RAB3C: variants seen among roughly 807,000 people sequenced by gnomAD.
The protein encoded by RAB3C is ras-related protein Rab-3C.
RAB3C carries 17 observed loss-of-function variants against 26.4 expected under a neutral mutation model. The ratio of observed to expected loss-of-function variants is 0.64; its 90% CI spans 0.44 to 0.97. The LOEUF (loss-of-function observed/expected upper bound fraction) is 0.97. Among genes scored for constraint, RAB3C ranks in the 50% least tolerant of loss-of-function variants. The probability of loss-of-function intolerance (pLI) is 0.00; values close to 1 mark genes in which losing one functional copy is unlikely to be tolerated. For synonymous variants in RAB3C, 91 were observed against 95.9 expected, an observed-to-expected ratio of 0.95 and a Z score of 0.30; for missense variants, 242 against 281.9, an observed-to-expected ratio of 0.86 and a Z score of 1.01.
chr5:58,607,649 A>C (rs1746601984), intron 1 of RAB3C, among the ~76,000 whole-genome samples: 1 of 152,226 alleles, frequency 6.6e-6, no homozygotes, highest in African/African-American at 2.4e-5. Context: ...AAAAGTGTTA[A>C]GGGCAGCCAG....
chr5:58,808,114 A>T (rs1003698965), intron 3 of RAB3C, among the ~76,000 whole-genome samples: 4 of 150,168 alleles, frequency 2.7e-5, no homozygotes, highest in Non-Finnish European at 5.9e-5. Context: ...AGTCCCAGTT[A>T]CTCGAGAGGC....
intron 1 of RAB3C, among the ~76,000 whole-genome samples, chr5:58,596,456 C>T (rs768243642): frequency 2.1e-4 from 30 of 143,144 alleles, no homozygotes; most frequent in East Asian, 9.9e-4. Flanking sequence ...GGATGGTGAT[C>T]GCCACATATG....
chr5:58,786,201 A>G (rs1742376229), intron 3 of RAB3C, among the ~76,000 whole-genome samples: 1 of 152,232 alleles, frequency 6.6e-6, no homozygotes, highest in South Asian at 2.1e-4. Context: ...CAGTAAACAC[A>G]GTTTCATTGT....
At chr5:58,664,971 G>A (rs1365382550) in intron 2 of RAB3C, among the ~76,000 whole-genome samples, 1 of 151,886 alleles carries the variant, frequency 6.6e-6, no homozygotes, top group South Asian at 2.1e-4. Flanking sequence ...GATGCCTCCA[G>A]CCTCTGAAAT....
At chr5:58,796,291 A>G (rs78123361) in intron 3 of RAB3C, among the ~76,000 whole-genome samples, 7,046 of 152,278 alleles carry the variant, frequency 0.046, 228 homozygotes, top group African/African-American at 0.082. Flanking sequence ...CACGGTATGT[A>G]GAAACACTAT....
At chr5:58,672,016 T>A (rs1332359260) in intron 2 of RAB3C, among the ~76,000 whole-genome samples, 2 of 152,194 alleles carry the variant, frequency 1.3e-5, no homozygotes, top group Non-Finnish European at 2.9e-5. Flanking sequence ...CTTTTCAGCT[T>A]GGCATATTAT....
chr5:58,625,806 G>A (rs1398682645), intron 2 of RAB3C, among the ~76,000 whole-genome samples: 3 of 149,982 alleles, frequency 2.0e-5, no homozygotes, highest in East Asian at 3.9e-4. Context: ...GCAGTGAGCC[G>A]AGATCACGCC....
intron 3 of RAB3C, among the ~76,000 whole-genome samples, chr5:58,805,482 G>T (rs1273133235): frequency 6.6e-6 from 1 of 151,434 alleles, no homozygotes; most frequent in African/African-American, 2.4e-5. Context: ...CTACACAGGG[G>T]GCTGAAGCAT....
At chr5:58,712,894 G>T (rs1023582250) in intron 2 of RAB3C, among the ~76,000 whole-genome samples, 1 of 152,038 alleles carries the variant, frequency 6.6e-6, no homozygotes, top group African/African-American at 2.4e-5. Context: ...AAAACACAAG[G>T]TCAAATGGGT....
At chr5:58,799,731 T>C (rs1397735679) in intron 3 of RAB3C, among the ~76,000 whole-genome samples, 1 of 152,142 alleles carries the variant, frequency 6.6e-6, no homozygotes, top group Non-Finnish European at 1.5e-5. Flanking sequence ...TCATTCCATG[T>C]CAATCATTAA....
chr5:58,794,540 G>T (rs1742601093), intron 3 of RAB3C: 1 of 151,486 alleles, frequency 6.6e-6, no homozygotes, highest in Admixed American at 6.6e-5. Context: ...TTCTTCTGTT[G>T]TCTGTGTCTT....
chr5:58,654,580 A>C (rs1747726865), intron 2 of RAB3C, among the ~76,000 whole-genome samples: 1 of 152,190 alleles, frequency 6.6e-6, no homozygotes, highest in Admixed American at 6.5e-5. Flanking sequence ...TATTTAGATG[A>C]GAAAAATTTC....
intron 3 of RAB3C, among the ~76,000 whole-genome samples, chr5:58,802,188 G>T (rs1253519132): frequency 6.6e-6 from 1 of 152,090 alleles, no homozygotes; most frequent in Admixed American, 6.6e-5. Flanking sequence ...AAATCAATCT[G>T]ACTTTCACTC....
intron 2 of RAB3C, among the ~76,000 whole-genome samples, chr5:58,627,200 T>A (rs1747070646): frequency 6.6e-6 from 1 of 152,170 alleles, no homozygotes; most frequent in Non-Finnish European, 1.5e-5. Context: ...CCTATTGGGA[T>A]ATGATTTCCT....
intron 2 of RAB3C, among the ~76,000 whole-genome samples, chr5:58,655,796 T>C (rs1038052336): frequency 7.2e-6 from 1 of 139,434 alleles, no homozygotes. Flanking sequence ...ACTCTTTTTT[T>C]TTTTTTTTTT....
intron 3 of RAB3C, among the ~76,000 whole-genome samples, chr5:58,754,575 T>G (rs921608422): frequency 1.3e-5 from 2 of 152,132 alleles, no homozygotes; most frequent in African/African-American, 2.4e-5. Context: ...CCCAACACAC[T>G]GAAAGTGCGA....
At chr5:58,844,382 T>C (rs1743942981) in intron 4 of RAB3C, among the ~76,000 whole-genome samples, 1 of 152,242 alleles carries the variant, frequency 6.6e-6, no homozygotes, top group Non-Finnish European at 1.5e-5. Flanking sequence ...TTAGTAGCAC[T>C]AGCCTTTGGT....
intron 4 of RAB3C, 39 bp downstream of exon 4, chr5:58,825,201 T>A (rs1243941726): frequency 6.3e-7 from 1 of 1,587,116 alleles, no homozygotes; most frequent in East Asian, 2.3e-5. Flanking sequence ...AAAGATAATT[T>A]GCTTATTATA....
At chr5:58,821,252 C>A (rs1366243862) in intron 3 of RAB3C, among the ~76,000 whole-genome samples, 2 of 152,186 alleles carry the variant, frequency 1.3e-5, no homozygotes, top group Non-Finnish European at 2.9e-5. Context: ...TCTAGCTTTA[C>A]TACCAGGATG....
Sources: allele counts gnomAD v4.1 joint callset (sites outside exome capture counted in the v4.1 genomes callset), GRCh38; gene constraint gnomAD v4.1.1; transcripts MANE v1.5; gene names NCBI Gene and HGNC (gene_info 2026-07-23, HGNC 2026-07-21).